MANBA: variants seen among roughly 807,000 people sequenced by gnomAD.
MANBA encodes the protein beta-mannosidase.
Under a neutral mutation model 111.1 loss-of-function variants are expected in MANBA, and 83 were observed. The ratio of observed to expected loss-of-function variants is 0.75; its 90% CI spans 0.63 to 0.90. The LOEUF (loss-of-function observed/expected upper bound fraction) is 0.90. MANBA is among the 40% of genes least tolerant of loss of function. The pLI is 0.00. For missense variants in MANBA, 1,036 were observed against 1,069.0 expected (o/e 0.97, Z 0.43); for synonymous variants, 370 against 378.7 (o/e 0.98, Z 0.27).
intron 5 of MANBA, among the ~76,000 whole-genome samples, chr4:102,711,252 A>G (rs1039858989): frequency 2.0e-5 from 3 of 152,166 alleles, no homozygotes; most frequent in Non-Finnish European, 4.4e-5. Context: ...ATACACAAGG[A>G]ACTCAACTGA....
At chr4:102,736,816 C>T (rs1723232610) in intron 1 of MANBA, among the ~76,000 whole-genome samples, 1 of 152,116 alleles carries the variant, frequency 6.6e-6, no homozygotes, top group African/African-American at 2.4e-5. Flanking sequence ...ACCGGGAAAA[C>T]CAAAAGAATT....
At chr4:102,667,338 G>A (rs1048842626) in intron 10 of MANBA, 17 of 152,278 alleles carry the variant, frequency 1.1e-4, no homozygotes, top group Admixed American at 3.3e-4. Context: ...TAGTAAGCAC[G>A]GGGGTGAGAA....
rs2110201515 is a variant in MANBA, at chr4:102,734,438, C to T, written c.178-7755G>A. 5 of 1,607,444 alleles carry T rather than the reference C, an allele frequency of 3.1e-6. No individual in the cohort carries two copies. The East Asian group carries it at 8.9e-5, about 29-fold the overall frequency. On this transcript the variant is annotated intron_variant, in intron 1 of 16. Transcript: ENST00000647097. ...AGAACCTGCTATGGTACGGACTCTT[C>T]CTGGGAGCCATCTTCCAGCTCATCT...
intron 13 of MANBA, among the ~76,000 whole-genome samples, chr4:102,640,300 A>G (rs1178064967): frequency 6.6e-6 from 1 of 152,216 alleles, no homozygotes; most frequent in African/African-American, 2.4e-5. Context: ...GAAAAATAAC[A>G]TTGTTATTAT....
intron 14 of MANBA, among the ~76,000 whole-genome samples, chr4:102,636,825 C>T (rs1030349064): frequency 2.6e-5 from 4 of 152,094 alleles, no homozygotes; most frequent in Non-Finnish European, 4.4e-5. Flanking sequence ...ATTATATATA[C>T]ATATATAATT....
At chr4:102,705,490 C>T (rs979121775) in intron 5 of MANBA, among the ~76,000 whole-genome samples, 20 of 152,118 alleles carry the variant, frequency 1.3e-4, no homozygotes, top group African/African-American at 4.8e-4. Flanking sequence ...GAAGCAACTC[C>T]ACCCCCTCAG....
Position 102,744,370 on chromosome 4 carries a change from A to G in MANBA, c.177+16348T>C, listed in dbSNP as rs572569158. Among the ~76,000 whole-genome samples the G allele has an allele frequency of 2.2e-4, 34 of 152,362 alleles. No individual in the cohort carries two copies. The East Asian group carries it at 5.8e-3, about 26-fold the overall frequency. On this transcript the variant is annotated intron_variant, in intron 1 of 16. Coordinates refer to ENST00000647097, the MANE Select transcript of MANBA (RefSeq NM_005908.4). The stretch of plus-strand genomic sequence containing the variant: ...TTCTTGCTCACTGGATCCAATCAGC[A>G]TAATGTCATCAATGTAATGGACCAG...
chr4:102,735,996 T>C (rs1166451530), intron 1 of MANBA, among the ~76,000 whole-genome samples: 1 of 152,206 alleles, frequency 6.6e-6, no homozygotes, highest in Non-Finnish European at 1.5e-5. Context: ...TCATGCTACA[T>C]ATACTTACAC....
chr4:102,743,536 C>G (rs1223780582), intron 1 of MANBA, among the ~76,000 whole-genome samples: 3 of 152,156 alleles, frequency 2.0e-5, no homozygotes, highest in Non-Finnish European at 4.4e-5. Flanking sequence ...GGGAACTCCC[C>G]ATGAGGCCAT....
At position 102,634,988 on chromosome 4, in the gene MANBA, A is replaced by C; in HGVS notation, c.2215T>G (p.Phe739Val). The part of the protein sequence containing the change: ...EPVCSRVTER[F>V]VMKGGEAVCL... ...ACAGCCTCTCCTCCTTTCATCACAA[A>C]ACGTTCAGTCACACGAGAGCACACG... is the stretch of plus-strand genomic sequence containing the variant. The change falls in exon 16 of 17, where the codon TTT becomes GTT. Residue 739 changes from phenylalanine to valine, a missense_variant. Coordinates refer to ENST00000647097, the MANE Select transcript of MANBA (RefSeq NM_005908.4). The C allele has an allele frequency of 6.2e-7, 1 of 1,614,140 alleles. No individual in the cohort carries two copies. The highest frequency in any genetic ancestry group is 8.5e-7 in the Non-Finnish European group (1 of 1,180,002).
At chr4:102,696,643 C>T (rs1732721750) in intron 5 of MANBA, among the ~76,000 whole-genome samples, 1 of 152,166 alleles carries the variant, frequency 6.6e-6, no homozygotes, top group Non-Finnish European at 1.5e-5. Context: ...TCTGCAAACA[C>T]TGGTAGATGA....
At chr4:102,689,074 G>T (rs1732351055) in intron 7 of MANBA, among the ~76,000 whole-genome samples, 1 of 152,146 alleles carries the variant, frequency 6.6e-6, no homozygotes, top group Non-Finnish European at 1.5e-5. Context: ...ATAAGGCCGG[G>T]CGCAGTGGCT....
At chr4:102,692,814 T>C (rs528789201) in intron 5 of MANBA, among the ~76,000 whole-genome samples, 116 of 152,082 alleles carry the variant, frequency 7.6e-4, no homozygotes, top group African/African-American at 2.7e-3. Flanking sequence ...CTTAGAGACC[T>C]TTCTCCTACA....
intron 12 of MANBA, among the ~76,000 whole-genome samples, chr4:102,653,356 G>C (rs1048064478): frequency 6.6e-6 from 1 of 152,046 alleles, no homozygotes; most frequent in African/African-American, 2.4e-5. Flanking sequence ...TACAGATAAT[G>C]AATGGCAGCT....
intron 5 of MANBA, among the ~76,000 whole-genome samples, chr4:102,706,140 C>T (rs1733287275): frequency 6.6e-6 from 1 of 152,160 alleles, no homozygotes; most frequent in African/African-American, 2.4e-5. Context: ...CACCTGGAGG[C>T]CCAAGATTCA....
rs534565607 is a variant in MANBA, at chr4:102,759,141, T to C, written c.177+1577A>G. 1.7e-3 allele frequency among the ~76,000 whole-genome samples: 260 copies of C among 151,552 alleles called. 2 individuals are homozygous for C. Among genetic ancestry groups the C allele is most frequent in the African/African-American group, 6.0e-3 (246 of 41,278 alleles). ...CATTGGCTTAATTCTTTCTTTCTTTTTTTTTTTTTTTAGAGATAGAATCTC... is the reference window on the plus strand; with the variant it reads ...CATTGGCTTAATTCTTTCTTTCTTTCTTTTTTTTTTTAGAGATAGAATCTC... On this transcript the variant is annotated intron_variant, in intron 1 of 16. Coordinates refer to ENST00000647097, the MANE Select transcript of MANBA (RefSeq NM_005908.4).
chr4:102,757,325 G>C (rs1165621819), intron 1 of MANBA, among the ~76,000 whole-genome samples: 2 of 148,572 alleles, frequency 1.3e-5, no homozygotes, highest in Admixed American at 6.7e-5. Context: ...GCGAAACTCC[G>C]TCTCAAAAAA....
chr4:102,734,268 A>T, intron 1 of MANBA: 1 of 1,301,502 alleles, frequency 7.7e-7, no homozygotes, highest in Non-Finnish European at 1.0e-6. Context: ...TACAAAGTCT[A>T]CTCTTCCGGG....
At chr4:102,635,111 T>C in intron 15 of MANBA, 66 bp from the exon 16 acceptor site, 5 of 1,553,486 alleles carry the variant, frequency 3.2e-6, no homozygotes, top group African/African-American at 2.7e-5. Flanking sequence ...GGAACAATAG[T>C]AGTAATAATT....
Sources: gnomAD v4.1 joint callset for allele counts (sites outside exome capture counted in the v4.1 genomes callset) on GRCh38, gnomAD v4.1.1 for gene constraint, MANE v1.5 for transcripts, NCBI Gene and HGNC (gene_info 2026-07-23, HGNC 2026-07-21) for gene names.